The following SVEP1 variants were observed in gnomAD, a reference collection of about 807,000 sequenced individuals.
SVEP1 encodes the protein sushi, von Willebrand factor type A, EGF and pentraxin domain-containing protein 1.
In SVEP1, 164 loss-of-function variants were observed where a neutral mutation model predicts 367.3. The observed-to-expected ratio is 0.45, with a 90% confidence interval of 0.39 to 0.51. The LOEUF (loss-of-function observed/expected upper bound fraction) is 0.51, where lower values mean the gene tolerates loss of function less well. SVEP1 is among the 20% of genes least tolerant of loss of function. SVEP1 has a pLI of 0.00. For missense variants in SVEP1, 4,117 were observed against 4,425.3 expected, an observed-to-expected ratio of 0.93 and a Z score of 1.98; for synonymous variants, 1,666 against 1,611.6, an observed-to-expected ratio of 1.03 and a Z score of -0.81.
chr9:110,519,001 C>T (rs191277543), intron 3 of SVEP1, among the ~76,000 whole-genome samples: 1 of 152,328 alleles, frequency 6.6e-6, no homozygotes, highest in East Asian at 1.9e-4. Flanking sequence ...CTGCAATGAA[C>T]CAGCATATCA....
At chr9:110,423,673 A>T (rs1274791389) in intron 36 of SVEP1, among the ~76,000 whole-genome samples, 1 of 152,160 alleles carries the variant, frequency 6.6e-6, no homozygotes, top group East Asian at 1.9e-4. Context: ...GGTATATTAA[A>T]ATAAAAAATT....
chr9:110,383,942 A>G (rs1368000767), intron 43 of SVEP1, among the ~76,000 whole-genome samples: 2 of 140,346 alleles, frequency 1.4e-5, no homozygotes, highest in Admixed American at 1.4e-4. Context: ...CAAATTGCCC[A>G]GTCTCCCTGG....
At chr9:110,477,680 T>C (rs1320845793) in intron 13 of SVEP1, among the ~76,000 whole-genome samples, 1 of 152,116 alleles carries the variant, frequency 6.6e-6, no homozygotes, top group Non-Finnish European at 1.5e-5. Flanking sequence ...TATGCCCTTG[T>C]ATGCTCTGCC....
intron 36 of SVEP1, among the ~76,000 whole-genome samples, chr9:110,413,195 G>A (rs1162396735): frequency 2.0e-4 from 27 of 134,816 alleles, no homozygotes; most frequent in African/African-American, 8.5e-5. Flanking sequence ...TATACACCAT[G>A]GAATACTATG....
chr9:110,548,843 T>C (rs1308814756), intron 2 of SVEP1, among the ~76,000 whole-genome samples: 1 of 152,154 alleles, frequency 6.6e-6, no homozygotes, highest in Non-Finnish European at 1.5e-5. Context: ...CTTTTTTGCT[T>C]TATGCATGGT....
chr9:110,434,958 TG>T lies in SVEP1; in HGVS notation c.4888+282del, dbSNP rs1828411666. 4.6e-5 allele frequency among the ~76,000 whole-genome samples: 7 copies of T among 152,106 alleles called. No individual in the cohort carries two copies. In the South Asian group the frequency reaches 1.5e-3, roughly 32 times the overall value. On this transcript the variant is annotated intron_variant, in intron 29 of 47. Transcript: ENST00000374469. ...CTCAAACAGGTGCATAGTATGTCGG[TG>T]GGCCTTGAAAAAAATAACCTCATTT...
intron 3 of SVEP1, among the ~76,000 whole-genome samples, chr9:110,535,364 C>T (rs1830065978): frequency 1.3e-5 from 2 of 152,036 alleles, no homozygotes; most frequent in Admixed American, 1.3e-4. Flanking sequence ...CTATTCTGTT[C>T]CATTGGTCTA....
Position 110,408,096 on chromosome 9 carries a change from T to C in SVEP1, c.7504A>G (p.Lys2502Glu). 6.2e-7 allele frequency: 1 copy of C among 1,613,918 alleles called. No individual in the cohort carries two copies. The highest frequency in any genetic ancestry group is 1.1e-5 in the South Asian group (1 of 91,050). Residue 2502 changes from lysine to glutamate, a missense_variant, in exon 38 of 48, where the codon AAG becomes GAG. By Grantham distance (56) the Lys-to-Glu change is moderately conservative. This residue lies in a region of SVEP1 where 1,765 missense variants were observed against 1,781.1 expected (regional missense o/e 0.99). Transcript: ENST00000374469. Reference sequence around the variant, plus strand: ...GAGAATTTGCCATTCAAAATCTCCTTGGGTTTCAGGCACTCAATGGCTTTA... The same window carrying C: ...GAGAATTTGCCATTCAAAATCTCCTCGGGTTTCAGGCACTCAATGGCTTTA... ...TCKAIECLKP[K>E]EILNGKFSYT...
chr9:110,403,210 C>T (rs1463054596), intron 39 of SVEP1, among the ~76,000 whole-genome samples: 1 of 150,156 alleles, frequency 6.7e-6, no homozygotes, highest in Non-Finnish European at 1.5e-5. Flanking sequence ...TTTTTCTTCT[C>T]CTGGTATATC....
At position 110,579,025 on chromosome 9, in the gene SVEP1, G is replaced by A. The variant is rs1564181889; in HGVS notation, c.519C>T (p.Phe173=). The A allele has an allele frequency of 6.5e-7, 1 of 1,547,728 alleles. No homozygotes were observed. The highest frequency in any genetic ancestry group is 2.4e-5 in the East Asian group (1 of 40,822). The part of the protein sequence containing the change: ...RGGGTYTKGA[F]QQAAQILLHA... ...GCGGGCGCCTTACCGCGGCTTGCTG[G>A]AAGGCGCCCTTGGTGTAGGTGCCGC... is the stretch of plus-strand genomic sequence containing the variant. Residue 173 remains phenylalanine, a synonymous_variant, in exon 1 of 48, where the codon TTC becomes TTT. Coordinates refer to ENST00000374469, the MANE Select transcript of SVEP1 (RefSeq NM_153366.4). This position sits in a 1 kb window ranked among gnomAD's most constrained non-coding sequence, Gnocchi z 5.3.
Position 110,407,517 on chromosome 9 carries a change from G to T in SVEP1, c.8083C>A (p.Pro2695Thr). 6.2e-7 allele frequency: 1 copy of T among 1,613,928 alleles called. No homozygotes were observed. The highest frequency in any genetic ancestry group is 8.5e-7 in the Non-Finnish European group (1 of 1,179,872). ...CNPGYELLGNPVLICQEDGTW... is the reference protein window; with the variant it reads ...CNPGYELLGNTVLICQEDGTW... ...CCATCTTCCTGGCAGATCAGCACAG[G>T]GTTCCCCAGAAGTTCATATCCTGGA... Residue 2695 changes from proline (P) to threonine (T), a missense_variant, in exon 38 of 48, where the codon CCT becomes ACT. This residue lies in a region of SVEP1 where 1,765 missense variants were observed against 1,781.1 expected (regional missense o/e 0.99). Transcript: ENST00000374469.
chr9:110,566,757 G>T (rs1222192663), intron 1 of SVEP1, among the ~76,000 whole-genome samples: 1 of 152,204 alleles, frequency 6.6e-6, no homozygotes, highest in Non-Finnish European at 1.5e-5. Context: ...TACAGGAGTG[G>T]TTAAAGGGCA....
chr9:110,407,888 T>C lies in SVEP1; in HGVS notation c.7712A>G (p.Asp2571Gly), dbSNP rs1282268909. The change falls in exon 38 of 48, where the codon GAT becomes GGT. Residue 2571 changes from aspartate (D) to glycine (G), a missense_variant. This residue lies in a region of SVEP1 where 1,765 missense variants were observed against 1,781.1 expected (regional missense o/e 0.99). Transcript: ENST00000374469. The stretch of plus-strand genomic sequence containing the variant: ...GATGATTATGGCACCATAGCTGTAA[T>C]CTGCACCTTCTACAAAACCATTTTC... ...PIENGFVEGA[D>G]YSYGAIIIYS... The C allele has an allele frequency of 1.9e-6, 3 of 1,613,900 alleles. No individual in the cohort carries two copies. Among genetic ancestry groups the C allele is most frequent in the African/African-American group, 2.7e-5 (2 of 74,928 alleles).
intron 40 of SVEP1, among the ~76,000 whole-genome samples, chr9:110,395,447 A>C (rs1216812448): frequency 6.6e-6 from 1 of 152,188 alleles, no homozygotes; most frequent in Non-Finnish European, 1.5e-5. Context: ...GCATCAACTA[A>C]CAAGCAAAAT....
intron 39 of SVEP1, among the ~76,000 whole-genome samples, chr9:110,403,041 C>T (rs1827886915): frequency 6.6e-6 from 1 of 151,940 alleles, no homozygotes; most frequent in Admixed American, 6.6e-5. Context: ...AAAAAATAAG[C>T]TGAAGGAATA....
chr9:110,462,543 TAATAC>T (rs763963102), intron 18 of SVEP1, among the ~76,000 whole-genome samples: 2 of 150,188 alleles, frequency 1.3e-5, no homozygotes, highest in Non-Finnish European at 3.0e-5. Context: ...ATCTAGTATG[TAATAC>T]AATACTAAAC....
chr9:110,559,626 A>G (rs1319238949), intron 1 of SVEP1, among the ~76,000 whole-genome samples: 1 of 152,094 alleles, frequency 6.6e-6, no homozygotes, highest in East Asian at 1.9e-4. Context: ...TGTCCTGGTA[A>G]TATTTGGAGG....
chr9:110,365,614 C>G lies in SVEP1; in HGVS notation c.*925G>C, dbSNP rs949017600. 1 of 152,236 alleles carries G rather than the reference C, an allele frequency of 6.6e-6. No individual in the cohort carries two copies. The highest frequency in any genetic ancestry group is 6.6e-5 in the Admixed American group (1 of 15,266). The allele number at this position is 152,236 out of a possible 1,614,324, so 9.4% of individuals were successfully genotyped here. A position where few individuals can be genotyped will look rare whatever the true frequency, so the allele number is the denominator to read the frequency against. On this transcript the variant is annotated 3_prime_UTR_variant, in exon 48 of 48. Transcript: ENST00000374469. Reference sequence around the variant, plus strand: ...GTAGGTGACAGTGAGGACTGAGGGGCAGCTCAGCTTTCTCTTAGGTGGCTG... The same window carrying G: ...GTAGGTGACAGTGAGGACTGAGGGGGAGCTCAGCTTTCTCTTAGGTGGCTG...
At chr9:110,541,826 T>TATATCTATATACATAGATATCTATAG (rs1830151575) in intron 3 of SVEP1, among the ~76,000 whole-genome samples, 1 of 142,182 alleles carries the variant, frequency 7.0e-6, no homozygotes, top group African/African-American at 2.5e-5. Flanking sequence ...GATATCTATA[T>TATATCTATATACATAGATATCTATAG]ATATCTATAT....
Sources: allele counts gnomAD v4.1 joint callset (sites outside exome capture counted in the v4.1 genomes callset), GRCh38; gene constraint gnomAD v4.1.1; regional missense constraint gnomAD v4.1.1; non-coding constraint Gnocchi (gnomAD v3.1); transcripts MANE v1.5; gene names NCBI Gene and HGNC (gene_info 2026-07-23, HGNC 2026-07-21).